The following DPP6 variants were observed in gnomAD, a reference collection of about 807,000 sequenced individuals.
DPP6 encodes dipeptidyl peptidase like 6.
DPP6 carries 69 observed loss-of-function variants against 122.6 expected under a neutral mutation model. The observed-to-expected ratio is 0.56, with a 90% CI of 0.46 to 0.69. The LOEUF (loss-of-function observed/expected upper bound fraction) is 0.69. Ranked by LOEUF, DPP6 falls within the 30% of genes least tolerant of loss-of-function variation. The pLI is 0.00. For synonymous variants in DPP6, 418 were observed against 433.1 expected (o/e 0.97, Z 0.43); for missense variants, 928 against 1,116.9 (o/e 0.83, Z 2.41).
At chr7:154,635,566 G>A (rs10274708) in intron 5 of DPP6, among the ~76,000 whole-genome samples, 114,859 of 152,162 alleles carry the variant, frequency 0.75, 43,467 homozygotes, top group East Asian at 0.92. Flanking sequence ...ACCTATTGCT[G>A]TATAAGAAAT....
chr7:154,072,402 G>T (rs1211263100), intron 1 of DPP6, among the ~76,000 whole-genome samples: 2 of 152,124 alleles, frequency 1.3e-5, no homozygotes, highest in East Asian at 3.9e-4. Flanking sequence ...AGCTGCCTGC[G>T]CTTTGCTGCT....
In DPP6 at chr7:154,478,057, A is replaced by G. The variant is rs754577616; in HGVS notation, c.457+3020A>G. On this transcript the variant is annotated intron_variant, in intron 3 of 25. Coordinates refer to ENST00000377770, the MANE Select transcript of DPP6 (RefSeq NM_130797.4). ...AACATTCTCTCTCTTCCCGCTCCCT[A>G]AAGAGGCAATAGCTTAAAGTGAATG... Among the ~76,000 whole-genome samples, 7 of 152,078 alleles carry G rather than the reference A, an allele frequency of 4.6e-5. No homozygotes were observed. The East Asian group carries it at 1.2e-3, about 25-fold the overall frequency.
intron 16 of DPP6, among the ~76,000 whole-genome samples, chr7:154,837,957 T>C (rs1801214821): frequency 6.6e-6 from 1 of 152,160 alleles, no homozygotes; most frequent in Admixed American, 6.6e-5. Flanking sequence ...ACTCTTATAT[T>C]CACATTCCCC....
intron 16 of DPP6, among the ~76,000 whole-genome samples, chr7:154,836,065 A>T (rs1441825408): frequency 1.3e-5 from 2 of 152,022 alleles, no homozygotes; most frequent in Non-Finnish European, 2.9e-5. Flanking sequence ...AGGCTCCCAA[A>T]CCTTCCGCTC....
chr7:154,296,572 G>A (rs144766516), intron 1 of DPP6, among the ~76,000 whole-genome samples: 220 of 152,288 alleles, frequency 1.4e-3, no homozygotes, highest in African/African-American at 5.0e-3. Flanking sequence ...CAGCCTTAAC[G>A]GCAGCACTGT....
At chr7:153,936,727 C>T (rs1801463078) in intron 1 of DPP6, among the ~76,000 whole-genome samples, 1 of 151,800 alleles carries the variant, frequency 6.6e-6, no homozygotes, top group African/African-American at 2.4e-5. Context: ...AGGAAAATGG[C>T]GTGAACCTGG....
At chr7:153,876,343 C>T in the DPP6 span, among the ~76,000 whole-genome samples, 1 of 151,830 alleles carries the variant, frequency 6.6e-6, no homozygotes, top group African/African-American at 2.4e-5. Flanking sequence ...TCAGAATATA[C>T]ATCATATTCT....
Position 154,755,924 on chromosome 7 carries a change from AG to A in DPP6, c.884-13491del, listed in dbSNP as rs1225187265. Among the ~76,000 whole-genome samples, 4 of 152,266 alleles carry A rather than the reference AG, an allele frequency of 2.6e-5. No individual in the cohort carries two copies. Among genetic ancestry groups the A allele is most frequent in the African/African-American group, 9.6e-5 (4 of 41,552 alleles). On this transcript the variant is annotated intron_variant, in intron 8 of 25. Transcript: ENST00000377770. This position sits in a 1 kb window ranked among gnomAD's most constrained non-coding sequence, Gnocchi z 4.7. Reference sequence around the variant, plus strand: ...CTCACCACGTCTTTTTATTATGAAAAGGAAGAGTGGCGAGGACTTGAGTGGG... The same window carrying A: ...CTCACCACGTCTTTTTATTATGAAAAGAAGAGTGGCGAGGACTTGAGTGGG...
At chr7:154,814,584 C>T (rs897249982) in intron 16 of DPP6, among the ~76,000 whole-genome samples, 14 of 152,224 alleles carry the variant, frequency 9.2e-5, no homozygotes, top group African/African-American at 3.4e-4. Context: ...AAAAAAAGCA[C>T]TCACCTCCTG....
intron 6 of DPP6, among the ~76,000 whole-genome samples, chr7:154,661,545 C>T (rs1293045737): frequency 2.7e-4 from 17 of 62,320 alleles, no homozygotes; most frequent in Admixed American, 4.8e-4. Flanking sequence ...GGCGTATTGG[C>T]GCTAGTATTC....
At chr7:154,840,293 T>A (rs1801416557) in intron 16 of DPP6, among the ~76,000 whole-genome samples, 1 of 152,164 alleles carries the variant, frequency 6.6e-6, no homozygotes. Flanking sequence ...GCCACCCACA[T>A]TCCTCCATTC....
chr7:154,709,274 G>T (rs943723298), intron 7 of DPP6, among the ~76,000 whole-genome samples: 6 of 152,192 alleles, frequency 3.9e-5, no homozygotes, highest in African/African-American at 1.4e-4. Context: ...TGACCTGCTG[G>T]ACTCAAGCAA....
At chr7:153,997,909 A>G (rs748364967) in intron 1 of DPP6, among the ~76,000 whole-genome samples, 13 of 151,614 alleles carry the variant, frequency 8.6e-5, no homozygotes, top group Non-Finnish European at 1.6e-4. Flanking sequence ...TCAAGGGAGG[A>G]ACAAAGAGTG....
chr7:153,785,484 G>C, the DPP6 span, among the ~76,000 whole-genome samples: 1 of 151,836 alleles, frequency 6.6e-6, no homozygotes, highest in Non-Finnish European at 1.5e-5. Flanking sequence ...TCTATTTGTT[G>C]ATCTTTTTCA....
chr7:154,134,411 T>C (rs1585451902), intron 1 of DPP6, among the ~76,000 whole-genome samples: 1 of 152,042 alleles, frequency 6.6e-6, no homozygotes, highest in Non-Finnish European at 1.5e-5. Flanking sequence ...CAGCCTGTGG[T>C]ACAGGGCTGC....
the DPP6 span, among the ~76,000 whole-genome samples, chr7:153,783,905 G>T: frequency 6.6e-6 from 1 of 152,218 alleles, no homozygotes; most frequent in African/African-American, 2.4e-5. Context: ...ATGTACTGTA[G>T]TATTTTTCAT....
At chr7:153,862,167 G>T in the DPP6 span, among the ~76,000 whole-genome samples, 2 of 152,272 alleles carry the variant, frequency 1.3e-5, no homozygotes, top group East Asian at 1.9e-4. Flanking sequence ...AGGCACAAAA[G>T]TTATTTTAAA....
At chr7:154,721,127 T>C (rs1426347702) in intron 7 of DPP6, among the ~76,000 whole-genome samples, 1 of 152,272 alleles carries the variant, frequency 6.6e-6, no homozygotes, top group East Asian at 1.9e-4. Flanking sequence ...AAGCTGTTTA[T>C]GGTCTGGTGC....
chr7:154,510,936 GCACACACACACACA>G (rs3056506), intron 3 of DPP6, among the ~76,000 whole-genome samples: 47 of 145,208 alleles, frequency 3.2e-4, no homozygotes, highest in African/African-American at 7.7e-4. Context: ...ACACACACAT[GCACACACACACACA>G]CACACACACA....
Sources: allele counts gnomAD v4.1 joint callset (sites outside exome capture counted in the v4.1 genomes callset), GRCh38; gene constraint gnomAD v4.1.1; non-coding constraint Gnocchi (gnomAD v3.1); transcripts MANE v1.5; gene names NCBI Gene and HGNC (gene_info 2026-07-23, HGNC 2026-07-21).